PCDHGA7: variants seen among roughly 807,000 people sequenced by gnomAD.
PCDHGA7 encodes the protein protocadherin gamma-A7.
PCDHGA7 carries 44 observed loss-of-function variants against 58.3 expected under a neutral mutation model. That is an observed-to-expected ratio of 0.75 (90% confidence interval 0.59 to 0.97). The LOEUF is 0.97. Among genes scored for constraint, PCDHGA7 ranks in the 50% least tolerant of loss-of-function variants. The pLI is 0.00. For synonymous variants in PCDHGA7, 516 were observed against 504.2 expected, an observed-to-expected ratio of 1.02 and a Z score of -0.31; for missense variants, 1,266 against 1,188.7, an observed-to-expected ratio of 1.06 and a Z score of -0.96.
In PCDHGA7 at chr5:141,486,440, A is replaced by G; in HGVS notation, c.2425-8367A>G. 6.2e-7 allele frequency: 1 copy of G among 1,614,114 alleles called. No individual in the cohort carries two copies. The highest frequency in any genetic ancestry group is 8.5e-7 in the Non-Finnish European group (1 of 1,179,936). On this transcript the variant is annotated intron_variant, in intron 1 of 3. Coordinates refer to ENST00000518325, the MANE Select transcript of PCDHGA7 (RefSeq NM_018920.4). This position sits in a 1 kb window ranked among gnomAD's most constrained non-coding sequence, Gnocchi z 5.0. ...TCGAGAGGCCAAATCTAGCTATGACATCATGGTCACTGCTTCTGATGCTGG... is the reference window on the plus strand; with the variant it reads ...TCGAGAGGCCAAATCTAGCTATGACGTCATGGTCACTGCTTCTGATGCTGG...
chr5:141,448,179 G>C (rs763996329), intron 1 of PCDHGA7, among the ~76,000 whole-genome samples: 1 of 151,982 alleles, frequency 6.6e-6, no homozygotes, highest in Non-Finnish European at 1.5e-5. Context: ...ATTCATCCCT[G>C]GTTATGTACA....
In PCDHGA7 at chr5:141,477,247, T is replaced by C; in HGVS notation, c.2425-17560T>C. On this transcript the variant is annotated intron_variant, in intron 1 of 3. Transcript: ENST00000518325. This position sits in a 1 kb window ranked among gnomAD's most constrained non-coding sequence, Gnocchi z 4.9. ...CTGTCATCGCTTTGCTCAGTGTGAC[T>C]GACCTGGATGCTGGCGAGAACGGGC... The C allele has an allele frequency of 6.2e-7, 1 of 1,614,208 alleles. No individual in the cohort carries two copies. Among genetic ancestry groups the C allele is most frequent in the Non-Finnish European group, 8.5e-7 (1 of 1,180,040 alleles).
At chr5:141,401,626 C>G (rs1476531463) in intron 1 of PCDHGA7, among the ~76,000 whole-genome samples, 1 of 152,174 alleles carries the variant, frequency 6.6e-6, no homozygotes, top group Non-Finnish European at 1.5e-5. Flanking sequence ...TTTGTCTTAT[C>G]GTTTGGAGCT....
intron 1 of PCDHGA7, among the ~76,000 whole-genome samples, chr5:141,455,783 T>G (rs1475277198): frequency 1.3e-5 from 2 of 152,066 alleles, no homozygotes; most frequent in Non-Finnish European, 2.9e-5. Context: ...AAAAGAAACT[T>G]TTCCGGAGAT....
chr5:141,408,316 G>T (rs1407149479), intron 1 of PCDHGA7: 2 of 1,613,750 alleles, frequency 1.2e-6, no homozygotes, highest in African/African-American at 1.3e-5. Flanking sequence ...ACTCGATTCC[G>T]GAGGAGCTGG....
At chr5:141,412,139 T>C (rs1380576842) in intron 1 of PCDHGA7, 1 of 152,250 alleles carries the variant, frequency 6.6e-6, no homozygotes, top group Non-Finnish European at 1.5e-5. Flanking sequence ...TGGCCTCTGA[T>C]ACAAACTGCC....
intron 1 of PCDHGA7, chr5:141,421,546 A>C: frequency 6.2e-7 from 1 of 1,614,014 alleles, no homozygotes; most frequent in Non-Finnish European, 8.5e-7. Context: ...TTTTTTAAAT[A>C]TGGAACTTCT....
chr5:141,439,190 CA>C (rs200519543), intron 1 of PCDHGA7, among the ~76,000 whole-genome samples: 2,445 of 111,432 alleles, frequency 0.022, 39 homozygotes, highest in African/African-American at 0.057. Flanking sequence ...GAGACTCTGA[CA>C]AAAAAAAAAA....
chr5:141,479,490 G>A (rs1334340000), intron 1 of PCDHGA7: 1 of 152,248 alleles, frequency 6.6e-6, no homozygotes, highest in Non-Finnish European at 1.5e-5. Context: ...AGGACCATCA[G>A]GTTGCCTAAA....
chr5:141,466,822 G>A (rs1396286898), intron 1 of PCDHGA7, among the ~76,000 whole-genome samples: 4 of 152,046 alleles, frequency 2.6e-5, no homozygotes. Flanking sequence ...GGTATAACAA[G>A]TTAGTATGGG....
Position 141,489,119 on chromosome 5 carries a change from C to T in PCDHGA7, c.2425-5688C>T, listed in dbSNP as rs1236074950. The T allele has an allele frequency of 2.0e-5, 13 of 650,240 alleles. No individual in the cohort carries two copies. Among genetic ancestry groups the T allele is most frequent in the African/African-American group, 9.1e-5 (5 of 55,178 alleles). 40.3% of individuals were successfully genotyped at this position (650,240 alleles called of 1,614,324 possible). ...GAACTGCTGCAAGCAGGCAAACCTC[C>T]GAGCAGTTTTTAAGAGGCTGGAAGG... On this transcript the variant is annotated intron_variant, in intron 1 of 3. Coordinates refer to ENST00000518325, the MANE Select transcript of PCDHGA7 (RefSeq NM_018920.4). This position sits in a 1 kb window ranked among gnomAD's most constrained non-coding sequence, Gnocchi z 4.5.
chr5:141,498,105 G>C (rs150297456), intron 2 of PCDHGA7, among the ~76,000 whole-genome samples: 1 of 152,324 alleles, frequency 6.6e-6, no homozygotes, highest in East Asian at 1.9e-4. Flanking sequence ...TGGTGTGGGC[G>C]TATAATAGGG....
chr5:141,450,733 C>T (rs886761152), intron 1 of PCDHGA7, among the ~76,000 whole-genome samples: 24 of 152,198 alleles, frequency 1.6e-4, no homozygotes, highest in African/African-American at 5.3e-4. Context: ...GTGATCCGCC[C>T]GCCTTGGCCT....
At chr5:141,408,524 G>A (rs1589673864) in intron 1 of PCDHGA7, 3 of 1,614,080 alleles carry the variant, frequency 1.9e-6, no homozygotes, top group Non-Finnish European at 1.7e-6. Context: ...GCAATTGGAA[G>A]CTGTGGTGGA....
chr5:141,399,356 A>G, intron 1 of PCDHGA7: 1 of 1,614,010 alleles, frequency 6.2e-7, no homozygotes, highest in Non-Finnish European at 8.5e-7. Flanking sequence ...GACCGAGAGC[A>G]AACCCCGGAG....
rs148119281 is a variant in PCDHGA7, at chr5:141,511,006, C to T, written c.2632C>T (p.Arg878Cys). The T allele has an allele frequency of 3.5e-5, 56 of 1,614,078 alleles. No individual in the cohort carries two copies. Among genetic ancestry groups the T allele is most frequent in the African/African-American group, 5.3e-5 (4 of 74,922 alleles). The change falls in exon 4 of 4, where the codon CGC (arginine) becomes TGC (cysteine). Residue 878 changes from arginine to cysteine, a missense_variant. By Grantham distance (180) the Arg-to-Cys change is radical. Transcript: ENST00000518325. Reference protein sequence around the residue: ...GGAGTMGLSARYGPQFTLQHV... With the variant: ...GGAGTMGLSACYGPQFTLQHV... ...TGCCGGCACCATGGGATTGAGCGCC[C>T]GCTACGGACCCCAGTTCACCCTGCA...
At chr5:141,494,991 G>A in intron 2 of PCDHGA7, 126 bp downstream of exon 2, 1 of 1,551,148 alleles carries the variant, frequency 6.4e-7, no homozygotes, top group Non-Finnish European at 8.7e-7. Context: ...AGATCCCAGG[G>A]AGGTCTTGGT....
chr5:141,442,981 C>T (rs2098357132), intron 1 of PCDHGA7, among the ~76,000 whole-genome samples: 1 of 152,142 alleles, frequency 6.6e-6, no homozygotes, highest in African/African-American at 2.4e-5. Flanking sequence ...ATAAAGTTAG[C>T]CTATAATTTC....
rs758540898 is a variant in PCDHGA7 at position 141,400,450 on chromosome 5, A to G, written c.2424+15127A>G. The G allele has an allele frequency of 3.7e-6, 6 of 1,613,982 alleles. No homozygotes were observed. The African/African-American group carries it at 5.3e-5, about 14-fold the overall frequency. ...TGAGCAATTGAGTTCAGGACAAGAC[A>G]TACTTTGTGGTGATTCATCTGGGGC... On this transcript the variant is annotated intron_variant, in intron 1 of 3. Transcript: ENST00000518325.
Sources: allele counts gnomAD v4.1 joint callset (sites outside exome capture counted in the v4.1 genomes callset), GRCh38; gene constraint gnomAD v4.1.1; non-coding constraint Gnocchi (gnomAD v3.1); transcripts MANE v1.5; gene names NCBI Gene and HGNC (gene_info 2026-07-23, HGNC 2026-07-21).